The following TRIP4 variants were observed in gnomAD, a reference collection of about 807,000 sequenced individuals.
TRIP4 encodes activating signal cointegrator 1.
Under a neutral mutation model 81.8 loss-of-function variants are expected in TRIP4, and 54 were observed. That is an observed-to-expected ratio of 0.66 (90% CI 0.53 to 0.83). TRIP4 has a LOEUF of 0.83. Among genes scored for constraint, TRIP4 ranks in the 40% least tolerant of loss-of-function variants. TRIP4 has a pLI of 0.00. For missense variants in TRIP4, 662 were observed against 683.6 expected, an observed-to-expected ratio of 0.97 and a Z score of 0.35; for synonymous variants, 270 against 242.8, an observed-to-expected ratio of 1.11 and a Z score of -1.04.
At position 64,431,847 on chromosome 15, in the gene TRIP4, A is replaced by ATT. The variant is rs1555411171; in HGVS notation, c.1575+6223_1575+6224dup. On this transcript the variant is annotated intron_variant, in intron 11 of 12. Coordinates refer to ENST00000261884, the MANE Select transcript of TRIP4 (RefSeq NM_016213.5). The stretch of plus-strand genomic sequence containing the variant: ...CCATTTATATTATATATATATATAT[A>ATT]TTTTTTTTATCCAAAGAGCATTGTG... Among the ~76,000 whole-genome samples the ATT allele has an allele frequency of 9.8e-4, 117 of 119,544 alleles. 4 individuals carry two copies. The highest frequency in any genetic ancestry group is 3.6e-3 in the African/African-American group (112 of 30,772). The allele number at this position is 119,544 out of a possible 152,430, so 78.4% of individuals were successfully genotyped here.
At chr15:64,424,334 A>G (rs1367581106) in intron 10 of TRIP4, 179 bp downstream of exon 10, 1 of 753,198 alleles carries the variant, frequency 1.3e-6, no homozygotes, top group Admixed American at 3.2e-5. Context: ...TAATCTGTCA[A>G]AACAGTGCAA....
chr15:64,411,824 C>T (rs1224921107), intron 7 of TRIP4, among the ~76,000 whole-genome samples: 3 of 151,942 alleles, frequency 2.0e-5, no homozygotes, highest in Admixed American at 6.6e-5. Flanking sequence ...GGACTACCAA[C>T]GCCCGCCACC....
At chr15:64,406,274 T>G in intron 5 of TRIP4, 56 bp from the exon 6 acceptor site, 1 of 1,598,576 alleles carries the variant, frequency 6.3e-7, no homozygotes, top group Non-Finnish European at 8.5e-7. Flanking sequence ...TGCACACTGG[T>G]ACAACTAATT....
Position 64,409,819 on chromosome 15 carries a change from A to G in TRIP4, c.1034A>G (p.Tyr345Cys), listed in dbSNP as rs1362856107. ...ILEEENSLAE[Y>C]HSRLDETIQA... ...GAAGAAGAAAATTCACTAGCAGAGT[A>G]TCATAGCAGGTAAGTGAGCAGCACT... Residue 345 changes from tyrosine (Y) to cysteine (C), a missense_variant, in exon 7 of 13, where the codon TAT (tyrosine) becomes TGT (cysteine). By Grantham distance (194) the Tyr-to-Cys change is radical. Transcript: ENST00000261884. 1.2e-6 allele frequency: 2 copies of G among 1,613,938 alleles called. No homozygotes were observed. Among genetic ancestry groups the G allele is most frequent in the African/African-American group, 1.3e-5 (1 of 74,938 alleles).
chr15:64,397,664 G>C lies in TRIP4; in HGVS notation c.464G>C (p.Arg155Thr), dbSNP rs371856069. The change falls in exon 4 of 13, where the codon AGA becomes ACA. Residue 155 changes from arginine to threonine, a missense_variant. Coordinates refer to ENST00000261884, the MANE Select transcript of TRIP4 (RefSeq NM_016213.5). ...KKTKFVNLYT[R>T]EGQDRLAVLL... is the part of the protein sequence containing the mutation. ...ACAAAGTTTGTCAATTTATACACAA[G>C]AGAGGGACAGGACAGGCTTGCAGTC... is the stretch of plus-strand genomic sequence containing the variant. 2.5e-6 allele frequency: 4 copies of C among 1,614,188 alleles called. No individual in the cohort carries two copies. Among genetic ancestry groups the C allele is most frequent in the Non-Finnish European group, 3.4e-6 (4 of 1,180,034 alleles).
rs755063695 is a variant in TRIP4, at chr15:64,418,731, A to G, written c.1358+3A>G. On this transcript the variant is annotated splice_donor_region_variant and intron_variant, in intron 9 of 12. Transcript: ENST00000261884. ...CTGCTTGTCAGAGGGATTAAAAGGT[A>G]AGAATAAAAATGAATCTGGGCAGTG... 1.2e-6 allele frequency: 2 copies of G among 1,602,170 alleles called. No homozygotes were observed. The highest frequency in any genetic ancestry group is 1.8e-5 in the Admixed American group (1 of 56,302).
chr15:64,425,151 A>G (rs1892113799), intron 10 of TRIP4, among the ~76,000 whole-genome samples: 1 of 151,486 alleles, frequency 6.6e-6, no homozygotes, highest in Non-Finnish European at 1.5e-5. Flanking sequence ...TTTTAACCAC[A>G]TTTTGATGTT....
At chr15:64,393,838 ACT>A in intron 1 of TRIP4, 106 bp from the exon 2 acceptor site, 1 of 1,099,130 alleles carries the variant, frequency 9.1e-7, no homozygotes, top group Non-Finnish European at 1.2e-6. Flanking sequence ...CAAAGTAAAC[ACT>A]CTAATAGATT....
intron 11 of TRIP4, among the ~76,000 whole-genome samples, chr15:64,433,208 A>G (rs1394283859): frequency 6.6e-6 from 1 of 152,228 alleles, no homozygotes; most frequent in Non-Finnish European, 1.5e-5. Flanking sequence ...GTTTTGAATT[A>G]GCTTTGAAGG....
Position 64,394,084 on chromosome 15 carries a change from G to T in TRIP4, c.240G>T (p.Ser80=), listed in dbSNP as rs751777143. ...AAAAGAATGATCAGGAGTTGATTTC[G>T]GATCCTTTGCAGCAGTGCTTCAAAA... is the stretch of plus-strand genomic sequence containing the variant. The part of the protein sequence containing the change: ...KWQKNDQELI[S]DPLQQCFKKD... The change falls in exon 2 of 13, where the codon TCG becomes TCT. Residue 80 remains serine (S), a synonymous_variant. Transcript: ENST00000261884. The T allele has an allele frequency of 6.2e-7, 1 of 1,605,642 alleles. No homozygotes were observed. Among genetic ancestry groups the T allele is most frequent in the Non-Finnish European group, 8.5e-7 (1 of 1,176,204 alleles).
At chr15:64,422,145 A>G (rs1470950648) in intron 9 of TRIP4, among the ~76,000 whole-genome samples, 2 of 152,160 alleles carry the variant, frequency 1.3e-5, no homozygotes, top group Non-Finnish European at 2.9e-5. Context: ...TTCTCAGGAC[A>G]TATCCCCATT....
intron 5 of TRIP4, 116 bp downstream of exon 5, chr15:64,400,937 GT>G (rs869217492): frequency 4.5e-5 from 32 of 714,062 alleles, no homozygotes; most frequent in Admixed American, 8.5e-5. Context: ...CTCATTCTCA[GT>G]TTTTTTGGGG....
intron 12 of TRIP4, among the ~76,000 whole-genome samples, chr15:64,446,831 G>A (rs940798521): frequency 1.3e-5 from 2 of 151,790 alleles, no homozygotes; most frequent in Admixed American, 6.6e-5. Flanking sequence ...TGGGCCGGGC[G>A]TGGTGGCTCA....
chr15:64,425,848 C>T (rs1239832570), intron 11 of TRIP4, among the ~76,000 whole-genome samples: 1 of 152,130 alleles, frequency 6.6e-6, no homozygotes, highest in East Asian at 1.9e-4. Flanking sequence ...CTTTGGGAGG[C>T]CGAGGCAGGT....
chr15:64,397,885 C>G (rs1900340280), intron 4 of TRIP4, 67 bp downstream of exon 4: 2 of 1,513,732 alleles, frequency 1.3e-6, no homozygotes, highest in Non-Finnish European at 1.8e-6. Context: ...AGTCAGATCT[C>G]AAGTAATTTC....
intron 11 of TRIP4, among the ~76,000 whole-genome samples, chr15:64,428,083 G>C (rs995528325): frequency 2.0e-5 from 3 of 152,044 alleles, no homozygotes; most frequent in South Asian, 4.1e-4. Context: ...TTTCTTCCTG[G>C]GATATGTATT....
Position 64,409,602 on chromosome 15 carries a change from C to G in TRIP4, c.828-11C>G, listed in dbSNP as rs764521305. On this transcript the variant is annotated splice_polypyrimidine_tract_variant and intron_variant, in intron 6 of 12. Transcript: ENST00000261884. ...AGATGACCTAATTACCATGTGTTCCCTTTTTCTCAGTATTCGAAGGACCCA... is the reference window on the plus strand; with the variant it reads ...AGATGACCTAATTACCATGTGTTCCGTTTTTCTCAGTATTCGAAGGACCCA... 1 of 1,613,330 alleles carries G rather than the reference C, an allele frequency of 6.2e-7. No individual in the cohort carries two copies. Among genetic ancestry groups the G allele is most frequent in the Non-Finnish European group, 8.5e-7 (1 of 1,179,550 alleles).
intron 7 of TRIP4, among the ~76,000 whole-genome samples, chr15:64,411,029 A>G (rs1321489541): frequency 6.6e-6 from 1 of 152,188 alleles, no homozygotes; most frequent in Non-Finnish European, 1.5e-5. Context: ...TTTAAAGGAT[A>G]ATATTGCATA....
intron 3 of TRIP4, among the ~76,000 whole-genome samples, chr15:64,396,221 T>TTC: frequency 6.6e-6 from 1 of 151,260 alleles, no homozygotes; most frequent in Non-Finnish European, 1.5e-5. Context: ...GTTTTTGAAC[T>TTC]TTAAATTAAT....
Sources: gnomAD v4.1 joint callset for allele counts (sites outside exome capture counted in the v4.1 genomes callset) on GRCh38, gnomAD v4.1.1 for gene constraint, MANE v1.5 for transcripts, NCBI Gene and HGNC (gene_info 2026-07-23, HGNC 2026-07-21) for gene names.